CCDC91: variants seen among roughly 807,000 people sequenced by gnomAD.
CCDC91 encodes coiled-coil domain containing 91, also known as coiled-coil domain-containing protein 91.
Under a neutral mutation model 63.2 loss-of-function variants are expected in CCDC91, and 48 were observed. The ratio of observed to expected loss-of-function variants is 0.76; its 90% CI spans 0.60 to 0.97. The LOEUF (loss-of-function observed/expected upper bound fraction) is 0.97, where lower values mean the gene tolerates loss of function less well. CCDC91 is among the 50% of genes least tolerant of loss of function. The probability of loss-of-function intolerance (pLI) is 0.00; values close to 1 mark genes in which losing one functional copy is unlikely to be tolerated. For synonymous variants in CCDC91, 167 were observed against 165.8 expected, an observed-to-expected ratio of 1.01 and a Z score of -0.06; for missense variants, 500 against 494.6, an observed-to-expected ratio of 1.01 and a Z score of -0.10.
rs866216997 is a variant in CCDC91, at chr12:28,449,942, A to G, written c.763-219A>G. The stretch of plus-strand genomic sequence containing the variant: ...GTTCTTAAGTTAGATTTCTTGTCAT[A>G]TACTCTGTTGAACTTGGGGCTAAGA... On this transcript the variant is annotated intron_variant, in intron 8 of 12. Transcript: ENST00000536442. 2.4e-4 allele frequency among the ~76,000 whole-genome samples: 37 copies of G among 152,028 alleles called. 1 individual carries two copies. The highest frequency in any genetic ancestry group is 8.7e-4 in the African/African-American group (36 of 41,552).
At chr12:28,499,012 TTTATC>T (rs1952467519) in intron 12 of CCDC91, among the ~76,000 whole-genome samples, 1 of 151,636 alleles carries the variant, frequency 6.6e-6, no homozygotes, top group Non-Finnish European at 1.5e-5. Context: ...CCATTAAACA[TTTATC>T]TAATCTAACT....
chr12:28,329,481 A>G (rs1320083472), intron 6 of CCDC91, among the ~76,000 whole-genome samples: 1 of 151,866 alleles, frequency 6.6e-6, no homozygotes, highest in African/African-American at 2.4e-5. Flanking sequence ...ATTTAATTTT[A>G]TATGATAAGG....
chr12:28,294,942 G>C (rs1446499961), intron 3 of CCDC91, among the ~76,000 whole-genome samples: 1 of 152,094 alleles, frequency 6.6e-6, no homozygotes, highest in East Asian at 1.9e-4. Flanking sequence ...AGCAATGTGA[G>C]AATGAATTAA....
At chr12:28,259,482 T>TC (rs141906323) in intron 3 of CCDC91, 40 bp downstream of exon 3, 33,802 of 1,269,210 alleles carry the variant, frequency 0.027, 34 homozygotes, top group East Asian at 0.11. Flanking sequence ...TTTTTTTTTT[T>TC]CCCATGTAAC....
chr12:28,398,974 A>G (rs1343880674), intron 8 of CCDC91, among the ~76,000 whole-genome samples: 2 of 152,156 alleles, frequency 1.3e-5, no homozygotes, highest in African/African-American at 2.4e-5. Context: ...TCATTAGACA[A>G]ACAAAGCTTT....
chr12:28,197,031 A>C (rs1941816414), intron 1 of CCDC91, among the ~76,000 whole-genome samples: 1 of 152,188 alleles, frequency 6.6e-6, no homozygotes, highest in African/African-American at 2.4e-5. Flanking sequence ...TGTTGAAATT[A>C]ACATTAAATA....
intron 1 of CCDC91, among the ~76,000 whole-genome samples, chr12:28,219,680 A>G (rs1943806367): frequency 6.6e-6 from 1 of 151,890 alleles, no homozygotes; most frequent in African/African-American, 2.4e-5. Flanking sequence ...TCACTGTGCT[A>G]GCCAGGATGG....
chr12:28,524,665 A>G (rs998139938), intron 12 of CCDC91, among the ~76,000 whole-genome samples: 21 of 152,106 alleles, frequency 1.4e-4, no homozygotes, highest in African/African-American at 5.1e-4. Flanking sequence ...GAATAGTGTC[A>G]ATAGGATTGG....
At chr12:28,253,380 A>G (rs1946248793) in intron 1 of CCDC91, among the ~76,000 whole-genome samples, 1 of 152,142 alleles carries the variant, frequency 6.6e-6, no homozygotes, top group Non-Finnish European at 1.5e-5. Flanking sequence ...CTGTGTTGAT[A>G]TCTTCCTGCC....
At chr12:28,519,138 A>G (rs1940294263) in intron 12 of CCDC91, among the ~76,000 whole-genome samples, 1 of 152,030 alleles carries the variant, frequency 6.6e-6, no homozygotes. Context: ...TGCTTTTGGC[A>G]GTATGATCAT....
chr12:28,513,895 C>G (rs546526299), intron 12 of CCDC91, among the ~76,000 whole-genome samples: 1 of 151,990 alleles, frequency 6.6e-6, no homozygotes, highest in African/African-American at 2.4e-5. Flanking sequence ...CATGTCTTTG[C>G]TATTGTGAAT....
chr12:28,406,054 C>T (rs1483098108), intron 8 of CCDC91, among the ~76,000 whole-genome samples: 1 of 152,104 alleles, frequency 6.6e-6, no homozygotes, highest in Non-Finnish European at 1.5e-5. Flanking sequence ...TGATTCCCAT[C>T]AGCCAGCTAG....
intron 8 of CCDC91, among the ~76,000 whole-genome samples, chr12:28,440,990 G>A (rs1216805964): frequency 6.9e-6 from 1 of 144,992 alleles, no homozygotes; most frequent in East Asian, 2.3e-4. Flanking sequence ...TCCGGGAGGT[G>A]GAGGTTGCAG....
chr12:28,203,539 G>A (rs921296848), intron 1 of CCDC91, among the ~76,000 whole-genome samples: 1 of 152,136 alleles, frequency 6.6e-6, no homozygotes, highest in Non-Finnish European at 1.5e-5. Flanking sequence ...TTTCCCATAT[G>A]TAGCAAACCA....
chr12:28,296,542 A>G (rs993583920), intron 3 of CCDC91, among the ~76,000 whole-genome samples: 10 of 151,810 alleles, frequency 6.6e-5, no homozygotes, highest in African/African-American at 2.4e-4. Context: ...GGCCTTTTAA[A>G]AGCTATTATA....
intron 7 of CCDC91, among the ~76,000 whole-genome samples, chr12:28,380,916 GATTT>G (rs1175156048): frequency 6.6e-6 from 1 of 152,054 alleles, no homozygotes; most frequent in African/African-American, 2.4e-5. Context: ...GTGTGCTACA[GATTT>G]ATTTTTATTT....
chr12:28,531,621 CATT>C lies in CCDC91; in HGVS notation c.1216-17438_1216-17436del, dbSNP rs1228356746. On this transcript the variant is annotated intron_variant, in intron 12 of 12. Coordinates refer to ENST00000536442, the MANE Select transcript of CCDC91 (RefSeq NM_018318.5). ...GTAATTGTTTTCTGTCATTTGCACA[CATT>C]ATTTTTGATGGCAGAATATCATTTG... is the stretch of plus-strand genomic sequence containing the variant. Among the ~76,000 whole-genome samples, 4 of 152,180 alleles carry C rather than the reference CATT, an allele frequency of 2.6e-5. No homozygotes were observed. In the East Asian group the frequency reaches 7.7e-4, roughly 29 times the overall value.
At chr12:28,452,099 TTAA>T (rs1189829342) in intron 10 of CCDC91, among the ~76,000 whole-genome samples, 23 of 151,600 alleles carry the variant, frequency 1.5e-4, no homozygotes, top group South Asian at 1.0e-3. Flanking sequence ...TTTAAATGAA[TTAA>T]TAATTTTATT....
intron 1 of CCDC91, among the ~76,000 whole-genome samples, chr12:28,221,226 C>T (rs1216991516): frequency 6.6e-6 from 1 of 152,024 alleles, no homozygotes; most frequent in East Asian, 1.9e-4. Context: ...AAGTTCTCCT[C>T]TGTAAGTTTC....
Sources: allele counts gnomAD v4.1 joint callset (sites outside exome capture counted in the v4.1 genomes callset), GRCh38; gene constraint gnomAD v4.1.1; transcripts MANE v1.5; gene names NCBI Gene and HGNC (gene_info 2026-07-23, HGNC 2026-07-21).